DYM: variants seen among roughly 807,000 people sequenced by gnomAD.
DYM encodes dymeclin, also known as dyggve-Melchior-Clausen syndrome protein.
In DYM, 78 loss-of-function variants were observed where a neutral mutation model predicts 93.1. The observed-to-expected ratio is 0.84, with a 90% confidence interval of 0.70 to 1.01. The LOEUF (loss-of-function observed/expected upper bound fraction) is 1.01. Among genes scored for constraint, DYM ranks in the 50% least tolerant of loss-of-function variants. The probability of loss-of-function intolerance (pLI) is 0.00; values close to 1 mark genes in which losing one functional copy is unlikely to be tolerated. For missense variants in DYM, 789 were observed against 845.0 expected, an observed-to-expected ratio of 0.93 and a Z score of 0.82; for synonymous variants, 321 against 319.7, an observed-to-expected ratio of 1.00 and a Z score of -0.04.
intron 1 of DYM, among the ~76,000 whole-genome samples, chr18:49,459,955 G>T (rs1266333661): frequency 1.3e-5 from 2 of 151,640 alleles, no homozygotes; most frequent in South Asian, 4.2e-4. Flanking sequence ...TGGAGTTAAG[G>T]GTGGTGATGG....
intron 2 of DYM, 96 bp downstream of exon 2, chr18:49,430,159 A>G: frequency 8.7e-7 from 1 of 1,148,086 alleles, no homozygotes; most frequent in East Asian, 2.3e-5. Context: ...GACTAGATAG[A>G]TAGACAGAAC....
At chr18:49,328,244 A>G (rs1247109616) in intron 8 of DYM, among the ~76,000 whole-genome samples, 4 of 152,218 alleles carry the variant, frequency 2.6e-5, no homozygotes, top group Non-Finnish European at 5.9e-5. Flanking sequence ...ATGCATGTAC[A>G]TAAGTTACTA....
At chr18:49,394,364 A>G (rs916892722) in intron 2 of DYM, among the ~76,000 whole-genome samples, 6 of 152,164 alleles carry the variant, frequency 3.9e-5, no homozygotes, top group Non-Finnish European at 8.8e-5. Context: ...AGTCCTCAAC[A>G]AATGATAGAT....
intron 3 of DYM, among the ~76,000 whole-genome samples, chr18:49,382,748 G>A (rs2068173898): frequency 1.3e-5 from 2 of 152,184 alleles, no homozygotes; most frequent in African/African-American, 4.8e-5. Flanking sequence ...TTAATAAAGA[G>A]CTAACTTACC....
intron 13 of DYM, among the ~76,000 whole-genome samples, chr18:49,214,602 G>A (rs1416281564): frequency 6.6e-6 from 1 of 151,604 alleles, no homozygotes; most frequent in Non-Finnish European, 1.5e-5. Flanking sequence ...AAATAAATAT[G>A]ATAAAGGTGG....
At chr18:49,162,954 A>G (rs1315748781) in intron 15 of DYM, among the ~76,000 whole-genome samples, 1 of 152,206 alleles carries the variant, frequency 6.6e-6, no homozygotes, top group Non-Finnish European at 1.5e-5. Flanking sequence ...GAGACCAGAA[A>G]CGAAATGACC....
chr18:49,110,963 A>G (rs2081332722), intron 16 of DYM, among the ~76,000 whole-genome samples: 2 of 152,144 alleles, frequency 1.3e-5, no homozygotes, highest in East Asian at 3.9e-4. Context: ...TTTTTTTCAC[A>G]AGCCCACTAA....
intron 3 of DYM, among the ~76,000 whole-genome samples, chr18:49,386,285 C>G (rs1323725808): frequency 6.6e-6 from 1 of 151,958 alleles, no homozygotes; most frequent in East Asian, 1.9e-4. Context: ...AAATGTTAAC[C>G]AAGAATTCTA....
chr18:49,426,286 C>T (rs1428680806), intron 2 of DYM, among the ~76,000 whole-genome samples: 9 of 151,130 alleles, frequency 6.0e-5, no homozygotes, highest in Admixed American at 4.6e-4. Context: ...TTGAGCAAAC[C>T]ATCGCAAGGA....
At chr18:49,245,797 G>C (rs553168646) in intron 13 of DYM, among the ~76,000 whole-genome samples, 116 of 152,214 alleles carry the variant, frequency 7.6e-4, no homozygotes, top group African/African-American at 2.6e-3. Flanking sequence ...ATAAAAACTT[G>C]CTGGTTTTGC....
chr18:49,300,988 A>G (rs2060895272), intron 8 of DYM, among the ~76,000 whole-genome samples: 1 of 152,210 alleles, frequency 6.6e-6, no homozygotes, highest in Non-Finnish European at 1.5e-5. Context: ...ACGGTGCCTC[A>G]AACCTTAAAG....
chr18:49,355,112 A>T (rs1241310351), intron 6 of DYM, among the ~76,000 whole-genome samples: 1 of 152,014 alleles, frequency 6.6e-6, no homozygotes, highest in African/African-American at 2.4e-5. Flanking sequence ...AAAATTAAAC[A>T]TACTTTAACC....
intron 1 of DYM, among the ~76,000 whole-genome samples, chr18:49,455,647 G>T (rs75657578): frequency 0.091 from 13,872 of 152,152 alleles, 849 homozygotes; most frequent in East Asian, 0.31. Flanking sequence ...TGGGTTCAGA[G>T]AAATTAATTA....
intron 15 of DYM, among the ~76,000 whole-genome samples, chr18:49,142,678 T>C (rs2084654184): frequency 1.3e-5 from 2 of 152,130 alleles, no homozygotes; most frequent in African/African-American, 4.8e-5. Flanking sequence ...AAAGGCAGAG[T>C]ACTTTGTCTA....
intron 5 of DYM, among the ~76,000 whole-genome samples, chr18:49,366,841 T>C (rs375214975): frequency 6.6e-6 from 1 of 152,192 alleles, no homozygotes; most frequent in Admixed American, 6.5e-5. Context: ...TCTTGATGAA[T>C]AGTTAATGAT....
At chr18:49,078,392 T>A (rs71355367) in intron 17 of DYM, among the ~76,000 whole-genome samples, 47,764 of 150,980 alleles carry the variant, frequency 0.32, 8,764 homozygotes, top group Middle Eastern at 0.46. Flanking sequence ...AAAATTAAAA[T>A]ATATATATAT....
chr18:49,368,198 A>G (rs1157580501), intron 5 of DYM, among the ~76,000 whole-genome samples: 1 of 152,202 alleles, frequency 6.6e-6, no homozygotes, highest in African/African-American at 2.4e-5. Context: ...AATGTTTCTA[A>G]TTACCCTAAA....
chr18:49,202,503 GTGAGGAGCGTC>G (rs1390497738), intron 14 of DYM, among the ~76,000 whole-genome samples: 1 of 138,092 alleles, frequency 7.2e-6, no homozygotes, highest in Non-Finnish European at 1.6e-5. Context: ...AGTCTGGAAA[GTGAGGAGCGTC>G]TCCGCCCGGC....
chr18:49,188,951 G>A (rs751240855), intron 14 of DYM, among the ~76,000 whole-genome samples: 12 of 152,254 alleles, frequency 7.9e-5, no homozygotes, highest in South Asian at 2.1e-4. Flanking sequence ...ATGGTGGAGT[G>A]GATGAAGAAA....
Sources: gnomAD v4.1 joint callset for allele counts (sites outside exome capture counted in the v4.1 genomes callset) on GRCh38, gnomAD v4.1.1 for gene constraint, MANE v1.5 for transcripts, NCBI Gene and HGNC (gene_info 2026-07-23, HGNC 2026-07-21) for gene names.